Variants in AMPH observed in about 807,000 individuals in gnomAD.
AMPH encodes the protein amphiphysin.
A neutral mutation model predicts 99.1 loss-of-function variants in AMPH; 49 were observed. The ratio of observed to expected loss-of-function variants is 0.49; its 90% confidence interval spans 0.39 to 0.63. The LOEUF (loss-of-function observed/expected upper bound fraction) is 0.63, where lower values mean the gene tolerates loss of function less well. Among genes scored for constraint, AMPH ranks in the 20% least tolerant of loss-of-function variants. The pLI, the probability that AMPH is intolerant of heterozygous loss-of-function variation, is 0.00. For missense variants in AMPH, 759 were observed against 863.4 expected, an observed-to-expected ratio of 0.88 and a Z score of 1.52; for synonymous variants, 314 against 317.3, an observed-to-expected ratio of 0.99 and a Z score of 0.11.
intron 11 of AMPH, among the ~76,000 whole-genome samples, chr7:38,444,457 G>C (rs527449371): frequency 6.6e-6 from 1 of 152,084 alleles, no homozygotes; most frequent in African/African-American, 2.4e-5. Context: ...ATATGTAGAC[G>C]CAAGGAGAAT....
chr7:38,488,590 G>A (rs932713717), intron 5 of AMPH, among the ~76,000 whole-genome samples: 7 of 151,918 alleles, frequency 4.6e-5, no homozygotes, highest in Admixed American at 1.3e-4. Context: ...TGATGGGTGC[G>A]GCAAACCACC....
chr7:38,631,057 C>T (rs544628561), intron 1 of AMPH, among the ~76,000 whole-genome samples: 1 of 152,126 alleles, frequency 6.6e-6, no homozygotes, highest in Non-Finnish European at 1.5e-5. Flanking sequence ...CCAGGGTCTG[C>T]GGGTCCCCGG....
intron 17 of AMPH, among the ~76,000 whole-genome samples, chr7:38,407,335 ATC>A (rs70975099): frequency 5.7e-5 from 8 of 140,548 alleles, no homozygotes; most frequent in Non-Finnish European, 6.2e-5. Context: ...ATTAGGGAAA[ATC>A]TCTCTCTCTC....
chr7:38,523,229 G>A (rs759267454), intron 2 of AMPH, among the ~76,000 whole-genome samples: 6 of 151,936 alleles, frequency 3.9e-5, no homozygotes, highest in Non-Finnish European at 8.8e-5. Context: ...ATAAATACTT[G>A]TATATACACG....
intron 1 of AMPH, among the ~76,000 whole-genome samples, chr7:38,575,051 T>TAACAAAAAA (rs1554365712): frequency 7.6e-5 from 8 of 105,290 alleles, no homozygotes; most frequent in Middle Eastern, 5.6e-3. Flanking sequence ...AGACTCTGTC[T>TAACAAAAAA]AAAAAAAAAA....
At chr7:38,517,580 T>A (rs190481060) in intron 2 of AMPH, among the ~76,000 whole-genome samples, 1 of 152,290 alleles carries the variant, frequency 6.6e-6, no homozygotes, top group African/African-American at 2.4e-5. Context: ...TTTATAGCAG[T>A]GTGAGAGTGG....
At chr7:38,440,340 A>C (rs1786456401) in intron 11 of AMPH, among the ~76,000 whole-genome samples, 1 of 152,224 alleles carries the variant, frequency 6.6e-6, no homozygotes, top group Non-Finnish European at 1.5e-5. Context: ...TCTAAAATAA[A>C]AATTCAATGA....
In AMPH at chr7:38,463,978, G is replaced by C. The variant is rs150228234; in HGVS notation, c.750-865C>G. 2,035 of 1,081,498 alleles carry C rather than the reference G, an allele frequency of 1.9e-3. 22 individuals carry two copies. The highest frequency in any genetic ancestry group is 0.013 in the South Asian group (998 of 76,334). The allele number at this position is 1,081,498 out of a possible 1,614,324, so 67.0% of individuals were successfully genotyped here. ...AGGGCTGAGGAAACTGGGTCCTTTA[G>C]CGAGAACACAGACATGCCACATGAT... is the stretch of plus-strand genomic sequence containing the variant. On this transcript the variant is annotated intron_variant, in intron 9 of 20. Transcript: ENST00000356264.
chr7:38,582,875 G>T (rs953611331), intron 1 of AMPH, among the ~76,000 whole-genome samples: 4 of 152,192 alleles, frequency 2.6e-5, no homozygotes, highest in Non-Finnish European at 5.9e-5. Context: ...TTCAGGGCCG[G>T]ATGTCAAAAT....
At position 38,494,488 on chromosome 7, in the gene AMPH, T is replaced by C; in HGVS notation, c.245A>G (p.His82Arg). The C allele has an allele frequency of 6.2e-7, 1 of 1,613,954 alleles. No homozygotes were observed. Among genetic ancestry groups the C allele is most frequent in the African/African-American group, 1.3e-5 (1 of 75,054 alleles). Residue 82 changes from histidine to arginine, a missense_variant, in exon 4 of 21, where the codon CAT becomes CGT. Around this residue, in one of 2 missense-constraint regions of AMPH, gnomAD observed 205 missense variants for 287.9 expected, o/e 0.71. Coordinates refer to ENST00000356264, the MANE Select transcript of AMPH (RefSeq NM_001635.4). The stretch of plus-strand genomic sequence containing the variant: ...ATACCAGTCAGGCTCATAGACTTCA[T>C]GCAGCGACTCTGTGAGCTTCATGGA... The part of the protein sequence containing the change: ...EASMKLTESL[H>R]EVYEPDWYGR...
chr7:38,402,276 A>G (rs1196137505), intron 17 of AMPH, among the ~76,000 whole-genome samples: 3 of 152,038 alleles, frequency 2.0e-5, no homozygotes, highest in Non-Finnish European at 4.4e-5. Context: ...AAGGAAGGCA[A>G]TTTTCAAATT....
At chr7:38,576,875 A>G (rs1248745038) in intron 1 of AMPH, among the ~76,000 whole-genome samples, 1 of 152,138 alleles carries the variant, frequency 6.6e-6, no homozygotes, top group African/African-American at 2.4e-5. Flanking sequence ...AGCTTCCTGA[A>G]ATTAGTTTTC....
At chr7:38,551,530 T>C (rs1283282200) in intron 1 of AMPH, among the ~76,000 whole-genome samples, 1 of 152,214 alleles carries the variant, frequency 6.6e-6, no homozygotes, top group African/African-American at 2.4e-5. Flanking sequence ...GCATACAGTA[T>C]ATTTAAATTA....
intron 17 of AMPH, among the ~76,000 whole-genome samples, chr7:38,408,865 CGTTAA>C (rs919891370): frequency 2.4e-4 from 36 of 151,798 alleles, no homozygotes; most frequent in African/African-American, 8.7e-4. Flanking sequence ...TGGATTTCAT[CGTTAA>C]GTTATGTACA....
chr7:38,617,048 A>T, intron 1 of AMPH, among the ~76,000 whole-genome samples: 1 of 152,254 alleles, frequency 6.6e-6, no homozygotes, highest in Non-Finnish European at 1.5e-5. Flanking sequence ...TTACATATAT[A>T]AAAATGTATG....
At chr7:38,526,075 A>G (rs531146366) in intron 2 of AMPH, among the ~76,000 whole-genome samples, 2 of 152,286 alleles carry the variant, frequency 1.3e-5, no homozygotes, top group Admixed American at 6.5e-5. Flanking sequence ...TGAGTGATTC[A>G]GTTTCTCCAA....
intron 2 of AMPH, among the ~76,000 whole-genome samples, chr7:38,514,597 C>T (rs1011350227): frequency 6.6e-6 from 1 of 152,062 alleles, no homozygotes; most frequent in African/African-American, 2.4e-5. Context: ...GGATTAATGC[C>T]ATTATCATGT....
At chr7:38,498,487 A>G (rs969377361) in intron 3 of AMPH, among the ~76,000 whole-genome samples, 9 of 152,232 alleles carry the variant, frequency 5.9e-5, no homozygotes, top group African/African-American at 2.2e-4. Context: ...ATTATTAATC[A>G]TCTATAACCT....
intron 1 of AMPH, among the ~76,000 whole-genome samples, chr7:38,543,530 T>A (rs2129043617): frequency 6.6e-6 from 1 of 152,364 alleles, no homozygotes; most frequent in South Asian, 2.1e-4. Flanking sequence ...TATGGAAATT[T>A]ACAATATATC....
Sources: allele counts gnomAD v4.1 joint callset (sites outside exome capture counted in the v4.1 genomes callset), GRCh38; gene constraint gnomAD v4.1.1; regional missense constraint gnomAD v4.1.1; transcripts MANE v1.5; gene names NCBI Gene and HGNC (gene_info 2026-07-23, HGNC 2026-07-21).